Variants in SAFB observed in about 807,000 individuals in gnomAD.
SAFB encodes the protein scaffold attachment factor B, also known as scaffold attachment factor B1.
A neutral mutation model predicts 101.6 loss-of-function variants in SAFB; 15 were observed. The ratio of observed to expected loss-of-function variants is 0.15; its 90% confidence interval spans 0.10 to 0.23. SAFB has a LOEUF of 0.23. Ranked by LOEUF, SAFB falls within the 10% of genes least tolerant of loss-of-function variation. The pLI, the probability that SAFB is intolerant of heterozygous loss-of-function variation, is 1.00. For missense variants in SAFB, 930 were observed against 1,104.1 expected (o/e 0.84, Z 2.23); for synonymous variants, 449 against 407.5 (o/e 1.10, Z -1.23).
At chr19:5,628,287 C>T (rs1021369628) in intron 2 of SAFB, among the ~76,000 whole-genome samples, 6 of 152,192 alleles carry the variant, frequency 3.9e-5, no homozygotes, top group Non-Finnish European at 8.8e-5. Context: ...GCTTGTAGAC[C>T]GAATGTTCTC....
chr19:5,646,588 A>G (rs777369556), intron 5 of SAFB, among the ~76,000 whole-genome samples: 2 of 152,244 alleles, frequency 1.3e-5, no homozygotes, highest in Non-Finnish European at 1.5e-5. Context: ...CTTCAGTCCT[A>G]TGGTCAGAAT....
chr19:5,635,579 T>C (rs1213709501), intron 2 of SAFB, among the ~76,000 whole-genome samples: 1 of 152,090 alleles, frequency 6.6e-6, no homozygotes, highest in Non-Finnish European at 1.5e-5. Flanking sequence ...TATATTTGCA[T>C]AATTAGGGAA....
Position 5,623,115 on chromosome 19 carries a change from T to G in SAFB, c.-91T>G. 7.6e-7 allele frequency: 1 copy of G among 1,322,424 alleles called. No individual in the cohort carries two copies. Among genetic ancestry groups the G allele is most frequent in the Non-Finnish European group, 1.0e-6 (1 of 955,078 alleles). The allele number at this position is 1,322,424 out of a possible 1,614,324, so 81.9% of individuals were successfully genotyped here. On this transcript the variant is annotated 5_prime_UTR_variant, in exon 1 of 21. Coordinates refer to ENST00000588852, the MANE Select transcript of SAFB (RefSeq NM_001201338.2). ...AGGCGCGCTGGGGCGACTGGAGCGGTTCCCTCGCAGGCGGCGCCATTTTGT... is the reference window on the plus strand; with the variant it reads ...AGGCGCGCTGGGGCGACTGGAGCGGGTCCCTCGCAGGCGGCGCCATTTTGT...
chr19:5,663,993 C>T (rs1451348963), intron 15 of SAFB, 29 bp from the exon 16 acceptor site: 2 of 1,610,352 alleles, frequency 1.2e-6, no homozygotes, highest in Non-Finnish European at 8.5e-7. Flanking sequence ...TGGGGGATCC[C>T]TCTATCTCTG....
chr19:5,667,255 A>T lies in SAFB; in HGVS notation c.2453+91A>T. 3.2e-6 allele frequency: 4 copies of T among 1,259,268 alleles called. No homozygotes were observed. The South Asian group carries it at 6.0e-5, about 19-fold the overall frequency. The allele number at this position is 1,259,268 out of a possible 1,614,324, so 78.0% of individuals were successfully genotyped here. On this transcript the variant is annotated intron_variant, in intron 18 of 20. Transcript: ENST00000588852. This position sits in a 1 kb window ranked among gnomAD's most constrained non-coding sequence, Gnocchi z 4.0. Reference sequence around the variant, plus strand: ...GGGATGTGGGCACAGGGTGGGAAACACAGAGGGATTCACTCTCCAGAAGCC... The same window carrying T: ...GGGATGTGGGCACAGGGTGGGAAACTCAGAGGGATTCACTCTCCAGAAGCC...
Position 5,657,268 on chromosome 19 carries a change from G to T in SAFB, c.1783G>T (p.Ala595Ser). 1 of 1,614,056 alleles carries T rather than the reference G, an allele frequency of 6.2e-7. No individual in the cohort carries two copies. The highest frequency in any genetic ancestry group is 8.5e-7 in the Non-Finnish European group (1 of 1,179,962). The change falls in exon 14 of 21, where the codon GCC (alanine) becomes TCC (serine). Residue 595 changes from alanine (A) to serine (S), a missense_variant. Coordinates refer to ENST00000588852, the MANE Select transcript of SAFB (RefSeq NM_001201338.2). ...RASKSQDRKSASREKRSVVSF... is the reference protein window; with the variant it reads ...RASKSQDRKSSSREKRSVVSF... Reference sequence around the variant, plus strand: ...TTCCAAAAGCCAGGATCGCAAATCAGCCAGCAGAGAGAAGCGGTCCGTCGT... The same window carrying T: ...TTCCAAAAGCCAGGATCGCAAATCATCCAGCAGAGAGAAGCGGTCCGTCGT...
At chr19:5,644,720 C>G (rs997447746) in intron 4 of SAFB, among the ~76,000 whole-genome samples, 2 of 152,214 alleles carry the variant, frequency 1.3e-5, no homozygotes, top group African/African-American at 4.8e-5. Flanking sequence ...GTTTCAGTCA[C>G]AAATTATCTG....
intron 14 of SAFB, among the ~76,000 whole-genome samples, chr19:5,657,702 T>G (rs2054095215): frequency 2.0e-5 from 3 of 151,854 alleles, no homozygotes; most frequent in South Asian, 4.2e-4. Flanking sequence ...TTTTTGTATT[T>G]TTAGTAGAGA....
At chr19:5,629,426 A>G (rs1376282342) in intron 2 of SAFB, among the ~76,000 whole-genome samples, 3 of 151,932 alleles carry the variant, frequency 2.0e-5, no homozygotes, top group South Asian at 2.1e-4. Flanking sequence ...TGAGAGGGGG[A>G]AAAAAGTAAA....
intron 17 of SAFB, 53 bp from the exon 18 acceptor site, chr19:5,666,993 T>A: frequency 9.0e-7 from 1 of 1,109,388 alleles, no homozygotes; most frequent in Admixed American, 1.7e-5. Context: ...AGCCTTGGGG[T>A]CTGGGCGCTG....
chr19:5,623,230 G>T lies in SAFB; in HGVS notation c.25G>T (p.Gly9Cys). The T allele has an allele frequency of 6.2e-7, 1 of 1,604,478 alleles. No homozygotes were observed. The highest frequency in any genetic ancestry group is 8.5e-7 in the Non-Finnish European group (1 of 1,175,858). MAETLSGL[G>C]DSGAAGAAAL... ...AATGGCGGAGACTCTGTCAGGCCTA[G>T]GTGATTCTGGAGCGGCGGGCGCGGC... The change falls in exon 1 of 21, where the codon GGT (glycine) becomes TGT (cysteine). Residue 9 changes from glycine (G) to cysteine (C), a missense_variant. This residue lies in a region of SAFB where 44 missense variants were observed against 35.8 expected (regional missense o/e 1.23). Coordinates refer to ENST00000588852, the MANE Select transcript of SAFB (RefSeq NM_001201338.2).
chr19:5,662,430 G>A (rs1356017752), intron 15 of SAFB, among the ~76,000 whole-genome samples: 1 of 151,576 alleles, frequency 6.6e-6, no homozygotes, highest in Non-Finnish European at 1.5e-5. Context: ...GGAGGCAGAG[G>A]TTGCAGTGAG....
intron 2 of SAFB, among the ~76,000 whole-genome samples, chr19:5,639,437 A>T (rs892845938): frequency 2.6e-5 from 4 of 152,212 alleles, no homozygotes; most frequent in African/African-American, 7.2e-5. Flanking sequence ...TCATGTCTGT[A>T]ATCCCAGCAC....
At chr19:5,624,582 C>T (rs1160252847) in intron 1 of SAFB, among the ~76,000 whole-genome samples, 1 of 152,164 alleles carries the variant, frequency 6.6e-6, no homozygotes, top group Non-Finnish European at 1.5e-5. Flanking sequence ...GCCCACCCCC[C>T]AGCCCCTGCA....
At chr19:5,655,930 A>G (rs2054049019) in intron 13 of SAFB, among the ~76,000 whole-genome samples, 1 of 152,216 alleles carries the variant, frequency 6.6e-6, no homozygotes, top group South Asian at 2.1e-4. Flanking sequence ...AAGGAAAATT[A>G]AGAAATTTAT....
intron 1 of SAFB, among the ~76,000 whole-genome samples, chr19:5,624,765 C>T (rs1483058272): frequency 6.7e-6 from 1 of 150,368 alleles, no homozygotes; most frequent in Non-Finnish European, 1.5e-5. Flanking sequence ...GTCACATGGG[C>T]CTTTTAAAAG....
At chr19:5,640,582 TTTTTG>T (rs939442960) in intron 2 of SAFB, among the ~76,000 whole-genome samples, 2 of 151,998 alleles carry the variant, frequency 1.3e-5, no homozygotes, top group Non-Finnish European at 2.9e-5. Context: ...TCCTCTGCAA[TTTTTG>T]TTTTGTTTTG....
At chr19:5,624,829 A>G (rs1463133898) in intron 1 of SAFB, among the ~76,000 whole-genome samples, 1 of 152,156 alleles carries the variant, frequency 6.6e-6, no homozygotes, top group Admixed American at 6.5e-5. Flanking sequence ...ATAAGGCAGG[A>G]AGCCCACTGA....
intron 6 of SAFB, 195 bp downstream of exon 6, chr19:5,648,238 C>T: frequency 1.8e-6 from 1 of 567,356 alleles, no homozygotes; most frequent in Non-Finnish European, 3.1e-6. Flanking sequence ...GAAAGTGGCT[C>T]ACTTCTCATT....
Sources: allele counts gnomAD v4.1 joint callset (sites outside exome capture counted in the v4.1 genomes callset), GRCh38; gene constraint gnomAD v4.1.1; regional missense constraint gnomAD v4.1.1; non-coding constraint Gnocchi (gnomAD v3.1); transcripts MANE v1.5; gene names NCBI Gene and HGNC (gene_info 2026-07-23, HGNC 2026-07-21).